The following NR3C2 variants were observed in gnomAD, a reference collection of about 807,000 sequenced individuals.
NR3C2 encodes the protein mineralocorticoid receptor.
In NR3C2, 15 loss-of-function variants were observed where a neutral mutation model predicts 86.4. The observed-to-expected ratio is 0.17, with a 90% CI of 0.12 to 0.27. NR3C2 has a LOEUF of 0.27. NR3C2 is among the 10% of genes least tolerant of loss of function. The probability of loss-of-function intolerance (pLI) is 1.00; values close to 1 mark genes in which losing one functional copy is unlikely to be tolerated. For synonymous variants in NR3C2, 458 were observed against 450.5 expected, an observed-to-expected ratio of 1.02 and a Z score of -0.21; for missense variants, 960 against 1,195.6, an observed-to-expected ratio of 0.80 and a Z score of 2.91.
intron 2 of NR3C2, among the ~76,000 whole-genome samples, chr4:148,391,460 GT>G: frequency 6.6e-6 from 1 of 152,334 alleles, no homozygotes; most frequent in African/African-American, 2.4e-5. Context: ...GTTGGAGCAT[GT>G]AAAGTAGATA....
intron 3 of NR3C2, among the ~76,000 whole-genome samples, chr4:148,229,567 T>G (rs1031560143): frequency 2.0e-5 from 3 of 152,138 alleles, no homozygotes; most frequent in African/African-American, 7.2e-5. Context: ...GCTCTGGGTT[T>G]CTTGGCAGAA....
chr4:148,105,886 TAAG>T (rs1163608930), intron 8 of NR3C2, among the ~76,000 whole-genome samples: 1 of 152,072 alleles, frequency 6.6e-6, no homozygotes, highest in Non-Finnish European at 1.5e-5. Context: ...CTCAAAATAA[TAAG>T]AACTATTTAT....
chr4:148,428,239 C>T (rs1719126467), intron 2 of NR3C2, among the ~76,000 whole-genome samples: 1 of 152,140 alleles, frequency 6.6e-6, no homozygotes, highest in Non-Finnish European at 1.5e-5. Flanking sequence ...CAGCGGGAGA[C>T]AGTGGTACAA....
At chr4:148,142,743 C>T (rs1222227022) in intron 6 of NR3C2, among the ~76,000 whole-genome samples, 1 of 152,150 alleles carries the variant, frequency 6.6e-6, no homozygotes, top group Non-Finnish European at 1.5e-5. Flanking sequence ...TCAAGCAATC[C>T]GCCTGCATGG....
upstream of NR3C2, chr4:148,444,917 C>T: frequency 1.0e-6 from 1 of 985,064 alleles, no homozygotes; most frequent in Non-Finnish European, 1.2e-6. Context: ...CTCTCCGCGC[C>T]CCCTCCCCGG....
At chr4:148,434,571 T>C (rs1327643014) in intron 2 of NR3C2, among the ~76,000 whole-genome samples, 1 of 152,126 alleles carries the variant, frequency 6.6e-6, no homozygotes, top group Non-Finnish European at 1.5e-5. Flanking sequence ...AAACCACAAC[T>C]TTCATATAAT....
chr4:148,233,480 C>G (rs1314309861), intron 3 of NR3C2, among the ~76,000 whole-genome samples: 1 of 151,600 alleles, frequency 6.6e-6, no homozygotes, highest in East Asian at 1.9e-4. Context: ...CACACTTCAG[C>G]TTCCTGAGTA....
At chr4:148,323,502 C>T (rs1743757888) in intron 2 of NR3C2, among the ~76,000 whole-genome samples, 1 of 149,512 alleles carries the variant, frequency 6.7e-6, no homozygotes, top group Admixed American at 6.7e-5. Flanking sequence ...GCAGTTTGAT[C>T]TCAGACTGCT....
chr4:148,338,094 G>T (rs1370781018), intron 2 of NR3C2, among the ~76,000 whole-genome samples: 2 of 152,080 alleles, frequency 1.3e-5, no homozygotes, highest in African/African-American at 4.8e-5. Context: ...TATATGTACA[G>T]GTCATAGAGA....
chr4:148,106,408 G>T (rs958143744), intron 8 of NR3C2, among the ~76,000 whole-genome samples: 4 of 152,156 alleles, frequency 2.6e-5, no homozygotes, highest in Non-Finnish European at 5.9e-5. Context: ...TGGATAGGAA[G>T]AACCAATATT....
Position 148,177,739 on chromosome 4 carries a change from G to A in NR3C2, c.2014+17007C>T, listed in dbSNP as rs556862015. Among the ~76,000 whole-genome samples the A allele has an allele frequency of 1.3e-4, 20 of 152,280 alleles. No homozygotes were observed. In the South Asian group the frequency reaches 3.5e-3, roughly 27 times the overall value. ...GATCATCCCTTTCTGAGATGACTGA[G>A]TGTATTAACCTATGATGCTTGGTTG... On this transcript the variant is annotated intron_variant, in intron 4 of 8. Coordinates refer to ENST00000358102, the MANE Select transcript of NR3C2 (RefSeq NM_000901.5).
At chr4:148,155,345 A>ATTGT (rs1178404057) in intron 4 of NR3C2, among the ~76,000 whole-genome samples, 39 of 152,320 alleles carry the variant, frequency 2.6e-4, no homozygotes, top group African/African-American at 8.9e-4. Context: ...AGACGACATG[A>ATTGT]TTGTATATCT....
intron 2 of NR3C2, among the ~76,000 whole-genome samples, chr4:148,404,830 A>G (rs1054610526): frequency 1.3e-5 from 2 of 152,186 alleles, no homozygotes; most frequent in Admixed American, 1.3e-4. Flanking sequence ...TTTGCCTCTG[A>G]GAATGTTACC....
chr4:148,442,812 C>T, upstream of NR3C2: 1 of 985,438 alleles, frequency 1.0e-6, no homozygotes. Flanking sequence ...CATCGCTCGG[C>T]CGCCCCAAAC....
At chr4:148,341,156 T>A (rs1296457172) in intron 2 of NR3C2, among the ~76,000 whole-genome samples, 2 of 152,150 alleles carry the variant, frequency 1.3e-5, no homozygotes, top group African/African-American at 4.8e-5. Context: ...CCATATTTAT[T>A]GCAGCACTAT....
In NR3C2 at chr4:148,346,835, G is replaced by A. The variant is rs547869964; in HGVS notation, c.1758-86718C>T. Among the ~76,000 whole-genome samples, 7 of 152,074 alleles carry A rather than the reference G, an allele frequency of 4.6e-5. No individual in the cohort carries two copies. In the South Asian group the frequency reaches 1.5e-3, roughly 32 times the overall value. ...ACAATTACATGTCAAGTTGCATTAT[G>A]ACTCACATTCTATTTCTATGGGGCA... On this transcript the variant is annotated intron_variant, in intron 2 of 8. Transcript: ENST00000358102.
intron 6 of NR3C2, among the ~76,000 whole-genome samples, chr4:148,147,124 T>C (rs180706710): frequency 1.1e-4 from 17 of 152,352 alleles, no homozygotes; most frequent in Admixed American, 1.1e-3. Flanking sequence ...AAAAGTTCTA[T>C]GTTAATTTAA....
intron 3 of NR3C2, among the ~76,000 whole-genome samples, chr4:148,258,181 C>A (rs1207337566): frequency 4.6e-5 from 7 of 152,234 alleles, no homozygotes; most frequent in African/African-American, 1.7e-4. Flanking sequence ...AAATGTCCTT[C>A]TCCACATCAC....
At chr4:148,300,588 A>ATTTTTTTTTTTTTTTTTTTTTCTTT (rs1230657445) in intron 2 of NR3C2, among the ~76,000 whole-genome samples, 1 of 127,802 alleles carries the variant, frequency 7.8e-6, no homozygotes, top group Non-Finnish European at 1.6e-5. Flanking sequence ...CTTGCTACTC[A>ATTTTTTTTTTTTTTTTTTTTTCTTT]TTTTTTTTTT....
Sources: allele counts gnomAD v4.1 joint callset (sites outside exome capture counted in the v4.1 genomes callset), GRCh38; gene constraint gnomAD v4.1.1; transcripts MANE v1.5; gene names NCBI Gene and HGNC (gene_info 2026-07-23, HGNC 2026-07-21).